Variants in ARHGAP25 observed in about 807,000 individuals in gnomAD.
The protein encoded by ARHGAP25 is rho GTPase-activating protein 25.
Under a neutral mutation model 71.0 loss-of-function variants are expected in ARHGAP25, and 34 were observed. The ratio of observed to expected loss-of-function variants is 0.48; its 90% CI spans 0.36 to 0.64. ARHGAP25 has a LOEUF of 0.64. ARHGAP25 is among the 30% of genes least tolerant of loss of function. The pLI is 0.00. For missense variants in ARHGAP25, 706 were observed against 805.1 expected (o/e 0.88, Z 1.49); for synonymous variants, 282 against 296.5 (o/e 0.95, Z 0.50).
At chr2:68,721,970 G>A (rs1674773474) in intron 2 of ARHGAP25, among the ~76,000 whole-genome samples, 1 of 152,154 alleles carries the variant, frequency 6.6e-6, no homozygotes, top group Non-Finnish European at 1.5e-5. Flanking sequence ...ACACTTGCTG[G>A]GCCATGGGGC....
intron 10 of ARHGAP25, 131 bp downstream of exon 10, chr2:68,823,003 C>T (rs1681827025): frequency 2.1e-6 from 2 of 962,810 alleles, no homozygotes; most frequent in Non-Finnish European, 3.0e-6. Context: ...TATAGCAGGC[C>T]TAGAAAGAAA....
rs1573389542 is a variant in ARHGAP25 at position 68,734,831 on chromosome 2, A to T, written c.-369A>T. On this transcript the variant is annotated 5_prime_UTR_variant, in exon 1 of 11. Coordinates refer to ENST00000409202, the MANE Select transcript of ARHGAP25 (RefSeq NM_001007231.3). ...GCAGCAGTTGTTTATCACGACCTCA[A>T]CTCAGTAAGGCCTGAGATTCTTTCG... 4 of 278,534 alleles carry T rather than the reference A, an allele frequency of 1.4e-5. No individual in the cohort carries two copies. The East Asian group carries it at 3.2e-4, about 22-fold the overall frequency. 17.3% of individuals were successfully genotyped at this position (278,534 alleles called of 1,614,324 possible). A position where few individuals can be genotyped will look rare whatever the true frequency, so the allele number is the denominator to read the frequency against.
chr2:68,799,808 T>G (rs924686247), intron 4 of ARHGAP25, among the ~76,000 whole-genome samples: 3 of 151,850 alleles, frequency 2.0e-5, no homozygotes, highest in Non-Finnish European at 4.4e-5. Flanking sequence ...CTTTTTGGAG[T>G]CAGAACCTGA....
chr2:68,815,696 C>T (rs1008782227), intron 6 of ARHGAP25, among the ~76,000 whole-genome samples: 1 of 152,050 alleles, frequency 6.6e-6, no homozygotes, highest in African/African-American at 2.4e-5. Flanking sequence ...GAAAAGAACA[C>T]GGAAAAGCTC....
Position 68,759,807 on chromosome 2 carries a change from T to C in ARHGAP25, c.62-15414T>C, listed in dbSNP as rs181920713. Among the ~76,000 whole-genome samples the C allele has an allele frequency of 2.6e-5, 4 of 151,996 alleles. 1 individual carries two copies. Among genetic ancestry groups the C allele is most frequent in the Admixed American group, 2.0e-4 (3 of 15,260 alleles). On this transcript the variant is annotated intron_variant, in intron 1 of 10. Coordinates refer to ENST00000409202, the MANE Select transcript of ARHGAP25 (RefSeq NM_001007231.3). ...AACTAATACCAGTCTCTTTGAAAAT[T>C]TTCAAAAGAATTGAAAAAGAAGGGA... is the stretch of plus-strand genomic sequence containing the variant.
intron 5 of ARHGAP25, among the ~76,000 whole-genome samples, chr2:68,810,725 T>C (rs1471874866): frequency 2.4e-5 from 1 of 42,340 alleles, no homozygotes; most frequent in African/African-American, 1.2e-4. Context: ...TCTTTTCTTT[T>C]CTTCTCTTTT....
At chr2:68,822,186 T>C (rs1558666182) in intron 9 of ARHGAP25, among the ~76,000 whole-genome samples, 154 bp from the exon 10 acceptor site, 1 of 152,172 alleles carries the variant, frequency 6.6e-6, no homozygotes, top group Non-Finnish European at 1.5e-5. Context: ...TGGAAAAAAA[T>C]GCTAATGCAG....
chr2:68,811,633 C>T (rs1234429084), intron 5 of ARHGAP25, among the ~76,000 whole-genome samples: 1 of 106,914 alleles, frequency 9.4e-6, no homozygotes, highest in East Asian at 2.8e-4. Flanking sequence ...GTAGAGTTCA[C>T]AGGCTGCAAA....
intron 2 of ARHGAP25, among the ~76,000 whole-genome samples, chr2:68,725,537 G>A (rs932635742): frequency 6.6e-6 from 1 of 151,850 alleles, no homozygotes; most frequent in African/African-American, 2.4e-5. Context: ...CAACTGTGTT[G>A]ACCAAGCTGT....
At chr2:68,722,142 A>C (rs1674777971) in intron 2 of ARHGAP25, among the ~76,000 whole-genome samples, 1 of 152,264 alleles carries the variant, frequency 6.6e-6, no homozygotes, top group Non-Finnish European at 1.5e-5. Flanking sequence ...GCAGCCTGAT[A>C]GGCCTTTTAA....
intron 5 of ARHGAP25, among the ~76,000 whole-genome samples, chr2:68,811,491 T>C (rs1329440837): frequency 6.6e-6 from 1 of 152,198 alleles, no homozygotes; most frequent in Non-Finnish European, 1.5e-5. Context: ...TTGGGTATTT[T>C]TGGGCAGTGA....
chr2:68,753,482 T>C (rs538948670), intron 1 of ARHGAP25, among the ~76,000 whole-genome samples: 20 of 152,222 alleles, frequency 1.3e-4, no homozygotes, highest in Admixed American at 2.6e-4. Context: ...AAATAAATAA[T>C]GTGGGTGGGG....
chr2:68,786,817 T>C (rs1678790096), intron 3 of ARHGAP25, among the ~76,000 whole-genome samples: 1 of 152,236 alleles, frequency 6.6e-6, no homozygotes, highest in Non-Finnish European at 1.5e-5. Context: ...GAACAAGCTC[T>C]CTGAGGGAGA....
At chr2:68,825,169 C>T (rs1246136899) in intron 10 of ARHGAP25, among the ~76,000 whole-genome samples, 2 of 152,172 alleles carry the variant, frequency 1.3e-5, no homozygotes, top group Non-Finnish European at 2.9e-5. Context: ...AGGACCACAG[C>T]TCCCCAAAGG....
chr2:68,727,021 A>G (rs984859421), intron 2 of ARHGAP25, among the ~76,000 whole-genome samples: 1 of 152,226 alleles, frequency 6.6e-6, no homozygotes, highest in Admixed American at 6.5e-5. Context: ...GACTATTAAA[A>G]TCCAAATAAA....
chr2:68,718,722 C>T (rs1159747090), intron 2 of ARHGAP25, among the ~76,000 whole-genome samples: 1 of 152,080 alleles, frequency 6.6e-6, no homozygotes, highest in African/African-American at 2.4e-5. Context: ...TTTGTTCTAA[C>T]ATTTGGTCTT....
chr2:68,720,136 G>A (rs1212442799), intron 2 of ARHGAP25, among the ~76,000 whole-genome samples: 3 of 152,002 alleles, frequency 2.0e-5, no homozygotes, highest in Admixed American at 1.3e-4. Flanking sequence ...CACCCAGTCA[G>A]GGAAGGTCTC....
At chr2:68,776,386 G>A (rs573185293) in intron 2 of ARHGAP25, among the ~76,000 whole-genome samples, 13 of 152,348 alleles carry the variant, frequency 8.5e-5, no homozygotes, top group Non-Finnish European at 1.6e-4. Context: ...TAAAAAGACA[G>A]CTGTGGCTAC....
chr2:68,788,742 G>A (rs1489719902), intron 4 of ARHGAP25, among the ~76,000 whole-genome samples: 2 of 152,144 alleles, frequency 1.3e-5, no homozygotes, highest in Non-Finnish European at 2.9e-5. Flanking sequence ...TTAGGAGCAC[G>A]CCTACTTGTG....
Sources: gnomAD v4.1 joint callset for allele counts (sites outside exome capture counted in the v4.1 genomes callset) on GRCh38, gnomAD v4.1.1 for gene constraint, MANE v1.5 for transcripts, NCBI Gene and HGNC (gene_info 2026-07-23, HGNC 2026-07-21) for gene names.